ME3: variants seen among roughly 807,000 people sequenced by gnomAD.
ME3 encodes malic enzyme 3, also known as NADP-dependent malic enzyme, mitochondrial.
In ME3, 48 loss-of-function variants were observed where a neutral mutation model predicts 68.9. The observed-to-expected ratio is 0.70, with a 90% confidence interval of 0.55 to 0.89. The LOEUF (loss-of-function observed/expected upper bound fraction) is 0.89. Ranked by LOEUF, ME3 falls within the 40% of genes least tolerant of loss-of-function variation. The probability of loss-of-function intolerance (pLI) is 0.00; values close to 1 mark genes in which losing one functional copy is unlikely to be tolerated. For missense variants in ME3, 675 were observed against 797.4 expected (o/e 0.85, Z 1.85); for synonymous variants, 320 against 318.8 (o/e 1.00, Z -0.04).
At chr11:86,475,746 C>G (rs1951022487) in intron 7 of ME3, among the ~76,000 whole-genome samples, 1 of 151,716 alleles carries the variant, frequency 6.6e-6, no homozygotes, top group African/African-American at 2.4e-5. Flanking sequence ...TTGTTTCTTG[C>G]TCAGATATTC....
rs564232119 is a variant in ME3 at position 86,497,815 on chromosome 11, C to T, written c.705+148G>A. On this transcript the variant is annotated intron_variant, in intron 6 of 14. Coordinates refer to ENST00000543262, the Ensembl canonical transcript of ME3. Reference sequence around the variant, plus strand: ...GGGAAGAAGGTCCTCTACTCCACAACTGTGTAGGGGGAATGCCCTGGTCGG... The same window carrying T: ...GGGAAGAAGGTCCTCTACTCCACAATTGTGTAGGGGGAATGCCCTGGTCGG... 23 of 914,230 alleles carry T rather than the reference C, an allele frequency of 2.5e-5. No homozygotes were observed. The African/African-American group carries it at 3.6e-4, about 14-fold the overall frequency. 56.6% of individuals were successfully genotyped at this position (914,230 alleles called of 1,614,324 possible).
chr11:86,648,158 A>G (rs1380893223), intron 2 of ME3, among the ~76,000 whole-genome samples: 1 of 152,232 alleles, frequency 6.6e-6, no homozygotes, highest in African/African-American at 2.4e-5. Context: ...CTGAATGACT[A>G]CTGGGTAAAT....
chr11:86,670,986 C>T (rs530062396), intron 2 of ME3, among the ~76,000 whole-genome samples: 1 of 152,204 alleles, frequency 6.6e-6, no homozygotes, highest in Admixed American at 6.5e-5. Context: ...TAAATCTGTC[C>T]TTGCTTCTAT....
At chr11:86,570,201 T>C (rs922298846) in intron 2 of ME3, among the ~76,000 whole-genome samples, 3 of 152,362 alleles carry the variant, frequency 2.0e-5, no homozygotes, top group South Asian at 2.1e-4. Flanking sequence ...CATTACGTCA[T>C]GCTCTGAGCT....
At chr11:86,441,505 T>C in intron 14 of ME3, 65 bp from the exon 15 acceptor site, 2 of 1,460,644 alleles carry the variant, frequency 1.4e-6, no homozygotes, top group East Asian at 2.3e-5. Context: ...GGATCCTTGC[T>C]TGGGAGCATG....
intron 6 of ME3, among the ~76,000 whole-genome samples, chr11:86,497,366 A>T: frequency 6.6e-6 from 1 of 152,168 alleles, no homozygotes; most frequent in East Asian, 1.9e-4. Context: ...TGACACAGAG[A>T]CAGAGCTGCG....
intron 2 of ME3, among the ~76,000 whole-genome samples, chr11:86,567,590 A>G (rs556127007): frequency 1.5e-4 from 23 of 152,346 alleles, no homozygotes; most frequent in Non-Finnish European, 2.6e-4. Context: ...AGAACAGTCC[A>G]CTTCTCTCTA....
intron 2 of ME3, among the ~76,000 whole-genome samples, chr11:86,657,289 T>TA (rs1456582530): frequency 6.6e-6 from 1 of 152,016 alleles, no homozygotes; most frequent in Admixed American, 6.5e-5. Context: ...TATGCAGCCA[T>TA]AAAAAAGAAT....
chr11:86,452,085 C>T (rs1217619406), intron 8 of ME3, among the ~76,000 whole-genome samples: 2 of 152,178 alleles, frequency 1.3e-5, no homozygotes, highest in African/African-American at 2.4e-5. Context: ...GTCTAGAAAT[C>T]GTGGGGTGGA....
At chr11:86,474,216 G>C (rs1950936644) in intron 7 of ME3, among the ~76,000 whole-genome samples, 1 of 152,196 alleles carries the variant, frequency 6.6e-6, no homozygotes, top group Non-Finnish European at 1.5e-5. Flanking sequence ...TGGCCTAAGG[G>C]GGAAAACTCC....
At chr11:86,669,602 T>C (rs934870575) in intron 2 of ME3, among the ~76,000 whole-genome samples, 7 of 152,150 alleles carry the variant, frequency 4.6e-5, no homozygotes, top group African/African-American at 1.7e-4. Flanking sequence ...GAGAACAGCA[T>C]GCAGGGGAAC....
chr11:86,438,012 C>T (rs970473194), downstream of ME3, among the ~76,000 whole-genome samples: 4 of 152,152 alleles, frequency 2.6e-5, no homozygotes, highest in Non-Finnish European at 4.4e-5. Context: ...AAACACCCTC[C>T]GTGTTGACTA....
chr11:86,464,300 C>G (rs1950370828), intron 8 of ME3, among the ~76,000 whole-genome samples: 1 of 152,226 alleles, frequency 6.6e-6, no homozygotes, highest in African/African-American at 2.4e-5. Context: ...ATGCTAGGAA[C>G]AGCTCACAGT....
exon 13 of ME3, chr11:86,446,408 C>T (rs770717280): frequency 1.2e-6 from 2 of 1,614,200 alleles, no homozygotes; most frequent in Non-Finnish European, 1.7e-6. Context: ...AGCATTGTTT[C>T]CCTGCCCAGG....
At chr11:86,628,166 C>T (rs1199684636) in intron 2 of ME3, among the ~76,000 whole-genome samples, 2 of 152,196 alleles carry the variant, frequency 1.3e-5, no homozygotes, top group African/African-American at 2.4e-5. Flanking sequence ...GATTTAAGTT[C>T]ATAAAATAAT....
chr11:86,495,239 C>T (rs1292085934), intron 6 of ME3, among the ~76,000 whole-genome samples: 1 of 152,182 alleles, frequency 6.6e-6, no homozygotes, highest in Non-Finnish European at 1.5e-5. Context: ...GATAGATGCT[C>T]CACTCACAGG....
Position 86,595,302 on chromosome 11 carries a change from T to TAG in ME3, c.184-35480_184-35479insCT, listed in dbSNP as rs1268407167. Reference sequence around the variant, plus strand: ...ATATATATACATATACATATATATATATATAGAGAGAGAGAGAGAGAGAGA... The same window carrying TAG: ...ATATATATACATATACATATATATATAGATATAGAGAGAGAGAGAGAGAGAGA... On this transcript the variant is annotated intron_variant, in intron 2 of 14. Transcript: ENST00000543262. Among the ~76,000 whole-genome samples, 67 of 63,182 alleles carry TAG rather than the reference T, an allele frequency of 1.1e-3. 3 individuals carry two copies. The highest frequency in any genetic ancestry group is 8.7e-3 in the Admixed American group (43 of 4,924). The allele number at this position is 63,182 out of a possible 152,430, so 41.4% of individuals were successfully genotyped here. A position where few individuals can be genotyped will look rare whatever the true frequency, so the allele number is the denominator to read the frequency against.
At chr11:86,496,095 C>T (rs1267554673) in intron 6 of ME3, among the ~76,000 whole-genome samples, 13 of 152,116 alleles carry the variant, frequency 8.5e-5, no homozygotes. Context: ...ATCTAAAGTG[C>T]TTGCTTTTAT....
At chr11:86,556,342 C>T (rs11234692) in intron 4 of ME3, among the ~76,000 whole-genome samples, 4,575 of 152,310 alleles carry the variant, frequency 0.03, 218 homozygotes, top group African/African-American at 0.1. Flanking sequence ...GAAGAAGAGT[C>T]AATAAACCCT....
Sources: allele counts gnomAD v4.1 joint callset (sites outside exome capture counted in the v4.1 genomes callset), GRCh38; gene constraint gnomAD v4.1.1; transcripts MANE v1.5; gene names NCBI Gene and HGNC (gene_info 2026-07-23, HGNC 2026-07-21).